PATJ: variants seen among roughly 807,000 people sequenced by gnomAD.
PATJ encodes the protein PATJ crumbs cell polarity complex component, also known as inaD-like protein.
Under a neutral mutation model 224.9 loss-of-function variants are expected in PATJ, and 190 were observed. The ratio of observed to expected loss-of-function variants is 0.84; its 90% confidence interval spans 0.75 to 0.95. PATJ has a LOEUF of 0.95. Among genes scored for constraint, PATJ ranks in the 40% least tolerant of loss-of-function variants. The pLI is 0.00. For missense variants in PATJ, 2,121 were observed against 2,270.3 expected (o/e 0.93, Z 1.34); for synonymous variants, 769 against 820.3 (o/e 0.94, Z 1.07).
At chr1:62,104,084 T>A (rs1662577178) in intron 33 of PATJ, among the ~76,000 whole-genome samples, 1 of 149,116 alleles carries the variant, frequency 6.7e-6, no homozygotes, top group Non-Finnish European at 1.5e-5. Context: ...TAGGCTGGAG[T>A]CACTGAGGTC....
At chr1:61,931,319 A>G (rs1008831056) in intron 27 of PATJ, among the ~76,000 whole-genome samples, 1 of 152,226 alleles carries the variant, frequency 6.6e-6, no homozygotes, top group African/African-American at 2.4e-5. Flanking sequence ...ACAATCAGAT[A>G]GTTTAAATAG....
At position 61,977,707 on chromosome 1, in the gene PATJ, C is replaced by T. The variant is rs1219327396; in HGVS notation, c.3671-12461C>T. Among the ~76,000 whole-genome samples, 5 of 151,654 alleles carry T rather than the reference C, an allele frequency of 3.3e-5. No individual in the cohort carries two copies. In the South Asian group the frequency reaches 8.3e-4, roughly 25 times the overall value. ...CGGCTGGCATTACAGTATTTTACAT[C>T]TCTTTTTAAAAAAGAAATTTATTAG... On this transcript the variant is annotated intron_variant, in intron 27 of 43. Coordinates refer to ENST00000642238, the MANE Select transcript of PATJ (RefSeq NM_001350145.3).
At chr1:62,105,239 G>A (rs1225624119) in intron 33 of PATJ, among the ~76,000 whole-genome samples, 2 of 152,108 alleles carry the variant, frequency 1.3e-5, no homozygotes, top group Non-Finnish European at 2.9e-5. Context: ...AAATTCCAAG[G>A]GGGTCTTTTC....
intron 32 of PATJ, 144 bp downstream of exon 32, chr1:62,079,711 T>C: frequency 1.5e-6 from 1 of 652,888 alleles, no homozygotes; most frequent in South Asian, 2.0e-5. Context: ...GGGGCTTGGA[T>C]AGGTCACTTC....
intron 27 of PATJ, among the ~76,000 whole-genome samples, chr1:61,968,093 G>C (rs1682421120): frequency 6.6e-6 from 1 of 152,172 alleles, no homozygotes; most frequent in African/African-American, 2.4e-5. Context: ...ACACCGGAGA[G>C]AAAACAAGTA....
At chr1:62,062,783 C>T (rs1487250111) in intron 31 of PATJ, among the ~76,000 whole-genome samples, 1 of 152,104 alleles carries the variant, frequency 6.6e-6, no homozygotes, top group African/African-American at 2.4e-5. Flanking sequence ...AGGCATGAGA[C>T]ACTGTCCAGG....
rs563792589 is a variant in PATJ at position 61,877,874 on chromosome 1, C to T, written c.2959+2508C>T. The stretch of plus-strand genomic sequence containing the variant: ...CTCTGTACCCCTGTTATGACCATTA[C>T]CTGATTACAGAGGCCCTACAGGACT... On this transcript the variant is annotated intron_variant, in intron 21 of 43. Coordinates refer to ENST00000642238, the MANE Select transcript of PATJ (RefSeq NM_001350145.3). 2.3e-4 allele frequency among the ~76,000 whole-genome samples: 35 copies of T among 152,294 alleles called. No individual in the cohort carries two copies. The South Asian group carries it at 7.2e-3, about 32-fold the overall frequency.
intron 7 of PATJ, among the ~76,000 whole-genome samples, chr1:61,782,807 A>G (rs1264604318): frequency 6.6e-6 from 1 of 152,172 alleles, no homozygotes; most frequent in Non-Finnish European, 1.5e-5. Flanking sequence ...TTTGGGAGGT[A>G]CTTTTTGTTT....
chr1:61,861,867 C>G (rs1223004199), intron 19 of PATJ, among the ~76,000 whole-genome samples, 200 bp downstream of exon 19: 2 of 152,074 alleles, frequency 1.3e-5, no homozygotes, highest in East Asian at 3.9e-4. Flanking sequence ...CTTTCTCTCT[C>G]TCTCTCTTTT....
At chr1:62,154,517 C>T (rs1021385380) in intron 43 of PATJ, among the ~76,000 whole-genome samples, 9 of 151,770 alleles carry the variant, frequency 5.9e-5, no homozygotes, top group Admixed American at 2.0e-4. Context: ...AAAAATTAGC[C>T]GGGCATGGTG....
chr1:62,099,363 T>TTTTTTTTTTTTTTTTTTTTTTTTTTG (rs1661845695), intron 33 of PATJ, among the ~76,000 whole-genome samples: 1 of 147,090 alleles, frequency 6.8e-6, no homozygotes, highest in African/African-American at 2.5e-5. Context: ...TTTTTTTTTT[T>TTTTTTTTTTTTTTTTTTTTTTTTTTG]TTTTTTTTTT....
intron 27 of PATJ, among the ~76,000 whole-genome samples, chr1:61,962,830 A>G (rs993342193): frequency 4.6e-5 from 7 of 152,114 alleles, no homozygotes; most frequent in African/African-American, 1.7e-4. Context: ...TCCATCCTCC[A>G]TGTCACCTCA....
chr1:62,003,213 C>T (rs1645894754), intron 28 of PATJ, among the ~76,000 whole-genome samples: 3 of 152,184 alleles, frequency 2.0e-5, no homozygotes, highest in Admixed American at 6.5e-5. Flanking sequence ...TCAAGTGAAA[C>T]AGCTTGTGGC....
At chr1:61,980,467 GT>G (rs1557983872) in intron 27 of PATJ, among the ~76,000 whole-genome samples, 15 of 146,086 alleles carry the variant, frequency 1.0e-4, no homozygotes, top group African/African-American at 2.4e-4. Context: ...GTGTGTGTGT[GT>G]GTGTGTGTGT....
At chr1:62,140,451 G>C (rs1667386661) in intron 41 of PATJ, among the ~76,000 whole-genome samples, 1 of 152,068 alleles carries the variant, frequency 6.6e-6, no homozygotes, top group Admixed American at 6.6e-5. Context: ...TCAGGAGTTT[G>C]AGACCGGCCT....
intron 27 of PATJ, among the ~76,000 whole-genome samples, chr1:61,939,944 G>T (rs531824195): frequency 6.6e-6 from 1 of 151,966 alleles, no homozygotes; most frequent in South Asian, 2.1e-4. Flanking sequence ...AAAGTGCTGG[G>T]ATTACAGGTG....
intron 22 of PATJ, 69 bp from the exon 23 acceptor site, chr1:61,899,514 C>G (rs1670826670): frequency 1.9e-6 from 2 of 1,028,556 alleles, no homozygotes; most frequent in South Asian, 3.6e-5. Flanking sequence ...AATTTCAAAA[C>G]CTTCCAAGGA....
rs142192355 is a variant in PATJ, at chr1:61,771,676, C to T, written c.720+50C>T. ...CTTAATTTTGAATAATGCCATTGAT[C>T]GTAAGAAGTGTAAAGACATTTAGAA... is the stretch of plus-strand genomic sequence containing the variant. On this transcript the variant is annotated intron_variant, in intron 6 of 43. Coordinates refer to ENST00000642238, the MANE Select transcript of PATJ (RefSeq NM_001350145.3). 1.8e-4 allele frequency: 238 copies of T among 1,307,054 alleles called. No homozygotes were observed. The East Asian group carries it at 4.5e-3, about 25-fold the overall frequency. The allele number at this position is 1,307,054 out of a possible 1,614,324, so 81.0% of individuals were successfully genotyped here. A position where few individuals can be genotyped will look rare whatever the true frequency, so the allele number is the denominator to read the frequency against.
chr1:62,019,348 G>A (rs999458340), intron 29 of PATJ, among the ~76,000 whole-genome samples: 9 of 151,374 alleles, frequency 5.9e-5, no homozygotes, highest in African/African-American at 2.2e-4. Flanking sequence ...CCAACATGGT[G>A]AAACCCTGTC....
Sources: allele counts gnomAD v4.1 joint callset (sites outside exome capture counted in the v4.1 genomes callset), GRCh38; gene constraint gnomAD v4.1.1; transcripts MANE v1.5; gene names NCBI Gene and HGNC (gene_info 2026-07-23, HGNC 2026-07-21).